RGS21: variants seen among roughly 807,000 people sequenced by gnomAD.
The protein encoded by RGS21 is regulator of G-protein signalling 21.
RGS21 carries 19 observed loss-of-function variants against 18.7 expected under a neutral mutation model. The ratio of observed to expected loss-of-function variants is 1.01; its 90% CI spans 0.71 to 1.49. The LOEUF (loss-of-function observed/expected upper bound fraction) is 1.49, where lower values mean the gene tolerates loss of function less well. Among genes scored for constraint, RGS21 ranks in the 40% most tolerant of loss-of-function variants. The pLI is 0.00. For synonymous variants in RGS21, 56 were observed against 57.8 expected (o/e 0.97, Z 0.14); for missense variants, 194 against 176.8 (o/e 1.10, Z -0.55).
intron 1 of RGS21, among the ~76,000 whole-genome samples, chr1:192,329,048 A>C (rs1444234640): frequency 6.6e-6 from 1 of 152,108 alleles, no homozygotes; most frequent in Non-Finnish European, 1.5e-5. Flanking sequence ...TTAAATGACA[A>C]GAAGACAATC....
At chr1:192,336,746 T>TA (rs80272749) in intron 1 of RGS21, among the ~76,000 whole-genome samples, 13 of 149,314 alleles carry the variant, frequency 8.7e-5, no homozygotes, top group South Asian at 4.2e-4. Flanking sequence ...CCTTCTCCAT[T>TA]AAAAAAAAAT....
chr1:192,334,759 C>T (rs890475236), intron 1 of RGS21, among the ~76,000 whole-genome samples: 1 of 152,098 alleles, frequency 6.6e-6, no homozygotes, highest in African/African-American at 2.4e-5. Flanking sequence ...GAATAAACAG[C>T]ATGAAGCATG....
chr1:192,353,895 T>G (rs1659078309), intron 4 of RGS21, among the ~76,000 whole-genome samples: 1 of 151,632 alleles, frequency 6.6e-6, no homozygotes, highest in Non-Finnish European at 1.5e-5. Context: ...TTCCTTGAAG[T>G]GTCTCTAAAA....
intron 1 of RGS21, among the ~76,000 whole-genome samples, chr1:192,320,485 G>A (rs1225138107): frequency 7.6e-6 from 1 of 131,836 alleles, no homozygotes; most frequent in Non-Finnish European, 1.7e-5. Flanking sequence ...CACAGACCAT[G>A]TAAAATGTAA....
intron 1 of RGS21, among the ~76,000 whole-genome samples, chr1:192,320,887 T>TA (rs1353909248): frequency 1.3e-5 from 2 of 152,034 alleles, no homozygotes; most frequent in African/African-American, 2.4e-5. Context: ...AAAAAGATTC[T>TA]AAACACTAAT....
intron 4 of RGS21, among the ~76,000 whole-genome samples, chr1:192,359,693 C>A (rs886737725): frequency 1.8e-5 from 2 of 113,360 alleles, no homozygotes; most frequent in African/African-American, 6.4e-5. Context: ...GTTTACCATT[C>A]CATGTGCAAG....
intron 1 of RGS21, among the ~76,000 whole-genome samples, chr1:192,331,666 T>C (rs1006940159): frequency 1.3e-5 from 2 of 151,836 alleles, no homozygotes; most frequent in African/African-American, 2.4e-5. Context: ...AGTGGCACAA[T>C]GAGAGTAACT....
intron 3 of RGS21, among the ~76,000 whole-genome samples, chr1:192,349,131 G>C (rs1257089218): frequency 1.3e-5 from 2 of 152,086 alleles, no homozygotes; most frequent in South Asian, 2.1e-4. Flanking sequence ...TTTGCTAAAA[G>C]GCTTACTGAA....
intron 4 of RGS21, among the ~76,000 whole-genome samples, chr1:192,360,425 AG>A (rs1291700337): frequency 3.3e-5 from 5 of 152,114 alleles, no homozygotes; most frequent in African/African-American, 4.8e-5. Flanking sequence ...TTCAATCACA[AG>A]TCCCATTCAT....
At chr1:192,349,254 A>G (rs945192178) in intron 3 of RGS21, among the ~76,000 whole-genome samples, 1 of 152,184 alleles carries the variant, frequency 6.6e-6, no homozygotes, top group Non-Finnish European at 1.5e-5. Flanking sequence ...ATTCCTCTGC[A>G]TACCCTCTGG....
intron 1 of RGS21, among the ~76,000 whole-genome samples, chr1:192,330,882 T>C (rs1658636936): frequency 6.6e-6 from 1 of 152,178 alleles, no homozygotes; most frequent in Non-Finnish European, 1.5e-5. Context: ...CAATTGAAAA[T>C]GAATTCAGTT....
chr1:192,347,261 T>A, intron 2 of RGS21, 52 bp from the exon 3 acceptor site: 2 of 1,076,764 alleles, frequency 1.9e-6, no homozygotes, highest in South Asian at 2.7e-5. Context: ...GTAACTCGAA[T>A]ATTACTATTG....
chr1:192,323,657 G>A lies in RGS21; in HGVS notation c.-61+6552G>A, dbSNP rs113966588. On this transcript the variant is annotated intron_variant, in intron 1 of 4. Coordinates refer to ENST00000417209, the MANE Select transcript of RGS21 (RefSeq NM_001039152.3). ...ATGATGAGCATATAGATGCTTAGAC[G>A]CTTATGGAGATTTTAAGTGGCAATG... is the stretch of plus-strand genomic sequence containing the variant. Among the ~76,000 whole-genome samples the A allele has an allele frequency of 5.9e-3, 897 of 152,184 alleles. 11 individuals carry two copies. The highest frequency in any genetic ancestry group is 0.02 in the African/African-American group (828 of 41,536).
chr1:192,319,812 CTA>C (rs1480799868), intron 1 of RGS21, among the ~76,000 whole-genome samples: 1 of 152,116 alleles, frequency 6.6e-6, no homozygotes, highest in Non-Finnish European at 1.5e-5. Flanking sequence ...TCTCTTTCCT[CTA>C]TGTGCCTGCC....
Position 192,356,698 on chromosome 1 carries a change from C to T in RGS21, c.255+4485C>T, listed in dbSNP as rs192231164. 1.4e-3 allele frequency among the ~76,000 whole-genome samples: 217 copies of T among 151,738 alleles called. 1 individual carries two copies. The highest frequency in any genetic ancestry group is 5.0e-3 in the African/African-American group (208 of 41,492). On this transcript the variant is annotated intron_variant, in intron 4 of 4. Coordinates refer to ENST00000417209, the MANE Select transcript of RGS21 (RefSeq NM_001039152.3). ...GCCCATGAAAATAGGCATCTAGAAG[C>T]ATTTTATCCTATTACTGTGATGCCA...
chr1:192,325,789 T>C (rs1398278817), intron 1 of RGS21, among the ~76,000 whole-genome samples: 1 of 152,106 alleles, frequency 6.6e-6, no homozygotes, highest in Admixed American at 6.6e-5. Context: ...CAATTTGTAA[T>C]TGGGTTGTTT....
intron 4 of RGS21, among the ~76,000 whole-genome samples, chr1:192,354,373 A>G (rs896109616): frequency 2.0e-5 from 3 of 151,772 alleles, no homozygotes; most frequent in African/African-American, 7.2e-5. Flanking sequence ...ATATTTTATG[A>G]AAAGAATGAA....
At chr1:192,350,826 C>CCAGG (rs1659030426) in intron 3 of RGS21, among the ~76,000 whole-genome samples, 1 of 151,908 alleles carries the variant, frequency 6.6e-6, no homozygotes, top group African/African-American at 2.4e-5. Flanking sequence ...CTGGGTATGC[C>CCAGG]AAAGAAAAAT....
At chr1:192,334,482 A>T (rs943256435) in intron 1 of RGS21, among the ~76,000 whole-genome samples, 3 of 152,148 alleles carry the variant, frequency 2.0e-5, no homozygotes, top group Admixed American at 6.5e-5. Context: ...AATGAGTACA[A>T]TATACTTTTA....
Sources: gnomAD v4.1 joint callset for allele counts (sites outside exome capture counted in the v4.1 genomes callset) on GRCh38, gnomAD v4.1.1 for gene constraint, MANE v1.5 for transcripts, NCBI Gene and HGNC (gene_info 2026-07-23, HGNC 2026-07-21) for gene names.